The following ALMS1 variants were observed in gnomAD, a reference collection of about 807,000 sequenced individuals.
ALMS1 encodes centrosome-associated protein ALMS1.
In ALMS1, 271 loss-of-function variants were observed where a neutral mutation model predicts 352.2. That is an observed-to-expected ratio of 0.77 (90% confidence interval 0.70 to 0.85). The LOEUF (loss-of-function observed/expected upper bound fraction) is 0.85, where lower values mean the gene tolerates loss of function less well. Among genes scored for constraint, ALMS1 ranks in the 40% least tolerant of loss-of-function variants. The probability of loss-of-function intolerance (pLI) is 0.00; values close to 1 mark genes in which losing one functional copy is unlikely to be tolerated. For missense variants in ALMS1, 5,445 were observed against 4,870.7 expected (o/e 1.12, Z -3.51); for synonymous variants, 1,865 against 1,761.2 (o/e 1.06, Z -1.48).
chr2:73,425,688 G>A (rs1671364827), intron 5 of ALMS1, among the ~76,000 whole-genome samples: 1 of 152,066 alleles, frequency 6.6e-6, no homozygotes, highest in African/African-American at 2.4e-5. Flanking sequence ...CCGAGAGAGA[G>A]CCAAAAAATC....
intron 13 of ALMS1, among the ~76,000 whole-genome samples, chr2:73,550,907 T>A (rs1279915457): frequency 6.6e-6 from 1 of 152,080 alleles, no homozygotes; most frequent in Non-Finnish European, 1.5e-5. Flanking sequence ...AGTGATGCAA[T>A]TATAGCTCAC....
At chr2:73,597,165 T>C (rs1244567047) in intron 16 of ALMS1, among the ~76,000 whole-genome samples, 1 of 152,126 alleles carries the variant, frequency 6.6e-6, no homozygotes, top group African/African-American at 2.4e-5. Flanking sequence ...TATTCCTAAA[T>C]ATTTTATTCT....
intron 9 of ALMS1, among the ~76,000 whole-genome samples, chr2:73,459,648 T>A (rs1339332582): frequency 6.6e-6 from 1 of 152,184 alleles, no homozygotes; most frequent in Non-Finnish European, 1.5e-5. Flanking sequence ...TATCCCACAC[T>A]TGCCCACTGG....
intron 16 of ALMS1, among the ~76,000 whole-genome samples, chr2:73,583,040 GT>G (rs57476150): frequency 1.6e-3 from 236 of 145,282 alleles, no homozygotes; most frequent in Middle Eastern, 3.7e-3. Context: ...ACCAACACTT[GT>G]TTTTTTTTTT....
chr2:73,430,433 T>G (rs965899116), intron 6 of ALMS1, among the ~76,000 whole-genome samples: 2 of 152,202 alleles, frequency 1.3e-5, no homozygotes, highest in African/African-American at 4.8e-5. Flanking sequence ...GAAATTTTTT[T>G]GACGTCAAGC....
intron 9 of ALMS1, among the ~76,000 whole-genome samples, chr2:73,462,132 CA>C (rs1304217740): frequency 6.6e-6 from 1 of 152,036 alleles, no homozygotes; most frequent in Admixed American, 6.5e-5. Context: ...TCGAGAAGAG[CA>C]ACTCCAAGAC....
chr2:73,454,132 A>T, intron 8 of ALMS1, 65 bp downstream of exon 8: 1 of 1,547,248 alleles, frequency 6.5e-7, no homozygotes, highest in Middle Eastern at 1.7e-4. Context: ...TTAGATATTT[A>T]TGTTTTGAGG....
intron 6 of ALMS1, among the ~76,000 whole-genome samples, chr2:73,430,776 G>T (rs183937558): frequency 6.6e-6 from 1 of 152,150 alleles, no homozygotes; most frequent in Non-Finnish European, 1.5e-5. Context: ...CTACACAGTT[G>T]TAGGTTTGTG....
intron 6 of ALMS1, 74 bp downstream of exon 6, chr2:73,426,627 G>A (rs1034842777): frequency 6.8e-7 from 1 of 1,477,428 alleles, no homozygotes; most frequent in Non-Finnish European, 9.4e-7. Flanking sequence ...GGTATTGTTT[G>A]TTTTTATTTT....
chr2:73,485,968 C>G (rs1572965583), intron 9 of ALMS1, among the ~76,000 whole-genome samples: 1 of 152,038 alleles, frequency 6.6e-6, no homozygotes, highest in Non-Finnish European at 1.5e-5. Flanking sequence ...CCTGCGCCCA[C>G]TGTCTGGCAC....
chr2:73,598,763 A>G (rs1318127944), intron 16 of ALMS1, among the ~76,000 whole-genome samples: 3 of 152,146 alleles, frequency 2.0e-5, no homozygotes, highest in East Asian at 1.9e-4. Context: ...AAGAAGCACT[A>G]TTTTACACTA....
chr2:73,555,431 A>T (rs898451813), intron 13 of ALMS1, among the ~76,000 whole-genome samples: 4 of 152,228 alleles, frequency 2.6e-5, no homozygotes, highest in Non-Finnish European at 2.9e-5. Flanking sequence ...AAAATCAGAT[A>T]AATCACTGCC....
chr2:73,452,120 T>C lies in ALMS1; in HGVS notation c.5593T>C (p.Leu1865=), dbSNP rs775039046. 4 of 1,608,072 alleles carry C rather than the reference T, an allele frequency of 2.5e-6. No homozygotes were observed. Among genetic ancestry groups the C allele is most frequent in the Admixed American group, 1.7e-5 (1 of 59,230 alleles). The part of the protein sequence containing the change: ...EHSVISYEQE[L]PDLTEVTLKA... ...CTCTGTCATTTCTTATGAGCAGGAG[T>C]TGCCAGATCTTACTGAAGTAACTTT... is the stretch of plus-strand genomic sequence containing the variant. Residue 1865 remains leucine, a synonymous_variant, in exon 8 of 23, where the codon TTG becomes CTG. Coordinates refer to ENST00000613296, the MANE Select transcript of ALMS1 (RefSeq NM_001378454.1).
chr2:73,608,403 A>C, intron 21 of ALMS1, 72 bp from the exon 22 acceptor site: 2 of 1,189,686 alleles, frequency 1.7e-6, no homozygotes, highest in Non-Finnish European at 2.5e-6. Flanking sequence ...AGGGATGATG[A>C]GAGGAGATCT....
chr2:73,431,585 A>G (rs561367573), intron 6 of ALMS1, among the ~76,000 whole-genome samples: 1 of 152,230 alleles, frequency 6.6e-6, no homozygotes, highest in South Asian at 2.1e-4. Context: ...AACATTAGGA[A>G]CTTCTTTTTG....
chr2:73,427,567 CATG>C (rs1217791638), intron 6 of ALMS1, among the ~76,000 whole-genome samples: 4 of 151,892 alleles, frequency 2.6e-5, no homozygotes, highest in African/African-American at 9.7e-5. Context: ...ATACAGGTGT[CATG>C]GTGGTTTGCT....
intron 1 of ALMS1, among the ~76,000 whole-genome samples, chr2:73,398,172 C>T (rs1670800976): frequency 6.6e-6 from 1 of 152,160 alleles, no homozygotes; most frequent in African/African-American, 2.4e-5. Flanking sequence ...TGAAGGATGT[C>T]AGATCTGTTT....
At chr2:73,600,980 C>T (rs1262040740) in intron 18 of ALMS1, 99 bp downstream of exon 18, 1 of 1,426,808 alleles carries the variant, frequency 7.0e-7, no homozygotes, top group Non-Finnish European at 9.6e-7. Flanking sequence ...ATGTGGTCCC[C>T]ACCTACCCCC....
intron 11 of ALMS1, among the ~76,000 whole-genome samples, chr2:73,527,919 T>C (rs1467263684): frequency 6.6e-6 from 1 of 152,160 alleles, no homozygotes; most frequent in Non-Finnish European, 1.5e-5. Flanking sequence ...CTGGTTTTGC[T>C]GTATCCCGTA....
Sources: gnomAD v4.1 joint callset for allele counts (sites outside exome capture counted in the v4.1 genomes callset) on GRCh38, gnomAD v4.1.1 for gene constraint, MANE v1.5 for transcripts, NCBI Gene and HGNC (gene_info 2026-07-23, HGNC 2026-07-21) for gene names.